Variants in UBE2E2 observed in about 807,000 individuals in gnomAD.
The protein encoded by UBE2E2 is ubiquitin conjugating enzyme E2 E2, also known as ubiquitin-conjugating enzyme E2 E2.
A neutral mutation model predicts 24.7 loss-of-function variants in UBE2E2; 6 were observed. The ratio of observed to expected loss-of-function variants is 0.24; its 90% CI spans 0.13 to 0.48. The LOEUF (loss-of-function observed/expected upper bound fraction) is 0.48, where lower values mean the gene tolerates loss of function less well. UBE2E2 is among the 20% of genes least tolerant of loss of function. UBE2E2 has a pLI of 0.99. For missense variants in UBE2E2, 169 were observed against 245.0 expected (o/e 0.69, Z 2.07); for synonymous variants, 104 against 83.6 (o/e 1.24, Z -1.33).
intron 3 of UBE2E2, among the ~76,000 whole-genome samples, chr3:23,409,080 A>G (rs951718968): frequency 1.3e-5 from 2 of 152,150 alleles, no homozygotes; most frequent in African/African-American, 2.4e-5. Context: ...TTCTGATGGC[A>G]TTGTTGGGCT....
At chr3:23,297,722 A>G (rs1255288506) in intron 3 of UBE2E2, among the ~76,000 whole-genome samples, 1 of 152,158 alleles carries the variant, frequency 6.6e-6, no homozygotes, top group African/African-American at 2.4e-5. Context: ...AGGTAGCATG[A>G]TGCCTCCAGC....
chr3:23,362,912 AG>A (rs779840596), intron 3 of UBE2E2, among the ~76,000 whole-genome samples: 13 of 131,482 alleles, frequency 9.9e-5, no homozygotes, highest in Non-Finnish European at 2.1e-4. Flanking sequence ...TCACCTACAA[AG>A]GGAACCCCAT....
intron 3 of UBE2E2, among the ~76,000 whole-genome samples, chr3:23,295,438 T>G (rs1337272597): frequency 1.3e-5 from 2 of 152,200 alleles, no homozygotes; most frequent in Non-Finnish European, 2.9e-5. Context: ...CATAAGGGAA[T>G]GAATGGTCCA....
chr3:23,403,972 T>G (rs563513210), intron 3 of UBE2E2, among the ~76,000 whole-genome samples: 13 of 152,316 alleles, frequency 8.5e-5, no homozygotes, highest in East Asian at 5.8e-4. Flanking sequence ...TCATTTTGCC[T>G]TCTTCTTCCT....
In UBE2E2 at chr3:23,499,614, A is replaced by T; in HGVS notation, c.234A>T (p.Gly78=). The T allele has an allele frequency of 6.2e-7, 1 of 1,613,114 alleles. No homozygotes were observed. Among genetic ancestry groups the T allele is most frequent in the Non-Finnish European group, 8.5e-7 (1 of 1,179,670 alleles). The change falls in exon 4 of 6, where the codon GGA becomes GGT. Residue 78 remains glycine (G), a synonymous_variant. Transcript: ENST00000396703. The part of the protein sequence containing the change: ...TLDPPPNCSA[G]PKGDNIYEWR... ...TTTGTATGTCTTATTTCAGTGCTGG[A>T]CCCAAAGGAGACAACATTTATGAAT...
chr3:23,514,002 C>T (rs1321395839), intron 4 of UBE2E2, among the ~76,000 whole-genome samples: 1 of 152,214 alleles, frequency 6.6e-6, no homozygotes, highest in African/African-American at 2.4e-5. Context: ...GCTTAAAACT[C>T]TTCAGTGGCT....
intron 3 of UBE2E2, among the ~76,000 whole-genome samples, chr3:23,400,915 A>G (rs1340444414): frequency 6.6e-6 from 1 of 152,118 alleles, no homozygotes; most frequent in Non-Finnish European, 1.5e-5. Flanking sequence ...CAATGAGTTT[A>G]TGTTTGAGTT....
chr3:23,217,350 G>T, intron 3 of UBE2E2, 38 bp downstream of exon 3: 1 of 1,583,670 alleles, frequency 6.3e-7, no homozygotes, highest in Non-Finnish European at 8.7e-7. Context: ...TGTATCTTTT[G>T]CAGAAGGTGC....
At chr3:23,329,287 G>A (rs140850537) in intron 3 of UBE2E2, among the ~76,000 whole-genome samples, 1 of 152,148 alleles carries the variant, frequency 6.6e-6, no homozygotes, top group East Asian at 1.9e-4. Context: ...TGGACATCAG[G>A]AAATGTCCAC....
At chr3:23,585,230 G>A (rs1189165852) in intron 5 of UBE2E2, among the ~76,000 whole-genome samples, 1 of 151,800 alleles carries the variant, frequency 6.6e-6, no homozygotes, top group African/African-American at 2.4e-5. Flanking sequence ...CAATAAACTG[G>A]ACATGCTACT....
At chr3:23,319,111 G>A (rs114994807) in intron 3 of UBE2E2, among the ~76,000 whole-genome samples, 405 of 152,214 alleles carry the variant, frequency 2.7e-3, no homozygotes, top group African/African-American at 8.8e-3. Flanking sequence ...AACCATGACT[G>A]CTTATTTAAA....
intron 3 of UBE2E2, among the ~76,000 whole-genome samples, chr3:23,462,728 T>C (rs751766774): frequency 3.9e-5 from 6 of 152,190 alleles, no homozygotes; most frequent in Non-Finnish European, 8.8e-5. Flanking sequence ...TCTCATCTTT[T>C]GCATCCCTCA....
chr3:23,231,803 G>A (rs9864908), intron 3 of UBE2E2, among the ~76,000 whole-genome samples: 88,919 of 152,008 alleles, frequency 0.58, 26,438 homozygotes, highest in South Asian at 0.67. Flanking sequence ...CATGTTTGCC[G>A]GTATATTACA....
chr3:23,472,000 G>A (rs538569848), intron 3 of UBE2E2, among the ~76,000 whole-genome samples: 1 of 149,218 alleles, frequency 6.7e-6, no homozygotes, highest in Non-Finnish European at 1.5e-5. Context: ...AAGAATACAG[G>A]GCAAAATAAC....
At chr3:23,301,779 G>A (rs1248107319) in intron 3 of UBE2E2, among the ~76,000 whole-genome samples, 4 of 149,662 alleles carry the variant, frequency 2.7e-5, no homozygotes, top group South Asian at 4.1e-4. Context: ...CTCCAGCTGC[G>A]TGCTGGGAGA....
In UBE2E2 at chr3:23,571,280, C is replaced by CTCTTTTTTTT. The variant is rs1696217145; in HGVS notation, c.509-18453_509-18452insCTTTTTTTTT. Among the ~76,000 whole-genome samples, 16 of 29,868 alleles carry CTCTTTTTTTT rather than the reference C, an allele frequency of 5.4e-4. 1 individual carries two copies. Among genetic ancestry groups the CTCTTTTTTTT allele is most frequent in the African/African-American group, 1.6e-3 (16 of 9,704 alleles). The allele number at this position is 29,868 out of a possible 152,430, so 19.6% of individuals were successfully genotyped here. On this transcript the variant is annotated intron_variant, in intron 5 of 5. Transcript: ENST00000396703. ...AGTCCCCTCACCTGTGTGCTCCTTT[C>CTCTTTTTTTT]TTTTTTTTTTTTTTTTTTTTTTTTT... is the stretch of plus-strand genomic sequence containing the variant.
intron 5 of UBE2E2, among the ~76,000 whole-genome samples, chr3:23,560,433 A>G (rs950246653): frequency 2.6e-5 from 4 of 152,100 alleles, no homozygotes; most frequent in Non-Finnish European, 4.4e-5. Flanking sequence ...TCCATAGTGT[A>G]TATGTGCCAC....
intron 3 of UBE2E2, among the ~76,000 whole-genome samples, chr3:23,411,131 CT>C (rs1253970762): frequency 6.6e-6 from 1 of 152,172 alleles, no homozygotes; most frequent in African/African-American, 2.4e-5. Context: ...AAGACAATGT[CT>C]GTTCCAGGCC....
intron 3 of UBE2E2, among the ~76,000 whole-genome samples, chr3:23,338,639 G>A (rs1370181604): frequency 6.6e-6 from 1 of 152,052 alleles, no homozygotes; most frequent in Non-Finnish European, 1.5e-5. Flanking sequence ...GATGAAAGTG[G>A]CAAAATGTTC....
Sources: gnomAD v4.1 joint callset for allele counts (sites outside exome capture counted in the v4.1 genomes callset) on GRCh38, gnomAD v4.1.1 for gene constraint, MANE v1.5 for transcripts, NCBI Gene and HGNC (gene_info 2026-07-23, HGNC 2026-07-21) for gene names.